ASIC2: variants seen among roughly 807,000 people sequenced by gnomAD.
ASIC2 encodes the protein acid sensing ion channel subunit 2.
A neutral mutation model predicts 57.3 loss-of-function variants in ASIC2; 25 were observed. That is an observed-to-expected ratio of 0.44 (90% CI 0.32 to 0.61). The LOEUF (loss-of-function observed/expected upper bound fraction) is 0.61. ASIC2 is among the 20% of genes least tolerant of loss of function. ASIC2 has a pLI of 0.06. For synonymous variants in ASIC2, 319 were observed against 307.5 expected, an observed-to-expected ratio of 1.04 and a Z score of -0.39; for missense variants, 641 against 738.1, an observed-to-expected ratio of 0.87 and a Z score of 1.52.
At chr17:33,738,449 A>G (rs1175641761) in intron 1 of ASIC2, among the ~76,000 whole-genome samples, 1 of 152,172 alleles carries the variant, frequency 6.6e-6, no homozygotes, top group African/African-American at 2.4e-5. Context: ...TCACCAATAT[A>G]CATGCACCAG....
chr17:34,124,260 A>G (rs1036214131), intron 1 of ASIC2, among the ~76,000 whole-genome samples: 5 of 152,194 alleles, frequency 3.3e-5, no homozygotes, highest in African/African-American at 1.2e-4. Flanking sequence ...GTAATGGGTG[A>G]CATCACTTAC....
intron 1 of ASIC2, among the ~76,000 whole-genome samples, chr17:33,712,857 G>C (rs1418801854): frequency 6.6e-6 from 1 of 151,534 alleles, no homozygotes; most frequent in East Asian, 1.9e-4. Context: ...GTTTTAGCCG[G>C]GATGGTCTCG....
intron 1 of ASIC2, chr17:34,006,331 A>C (rs565320628): frequency 7.9e-5 from 12 of 152,488 alleles, no homozygotes; most frequent in African/African-American, 2.9e-4. Flanking sequence ...AGGCTCTGGC[A>C]GAGGCCAGGG....
At chr17:33,860,798 C>T (rs1336357515) in intron 1 of ASIC2, among the ~76,000 whole-genome samples, 1 of 152,160 alleles carries the variant, frequency 6.6e-6, no homozygotes, top group Non-Finnish European at 1.5e-5. Flanking sequence ...AGATACATAC[C>T]TGCTGAGGTA....
chr17:33,824,760 C>T (rs1034444306), intron 1 of ASIC2, among the ~76,000 whole-genome samples: 2 of 83,206 alleles, frequency 2.4e-5, no homozygotes, highest in African/African-American at 1.0e-4. Flanking sequence ...AGTTCCCCTG[C>T]ACAAGCTGTC....
intron 1 of ASIC2, among the ~76,000 whole-genome samples, chr17:34,084,958 T>C (rs1392232294): frequency 6.6e-6 from 1 of 152,266 alleles, no homozygotes; most frequent in Non-Finnish European, 1.5e-5. Flanking sequence ...TGGGGTTTTC[T>C]AGATATACAA....
At chr17:33,608,627 G>A (rs564678945) in intron 1 of ASIC2, among the ~76,000 whole-genome samples, 1 of 152,134 alleles carries the variant, frequency 6.6e-6, no homozygotes, top group South Asian at 2.1e-4. Flanking sequence ...GGAACTCTGG[G>A]ATTCTGTTTA....
chr17:33,401,017 CG>C (rs112316852), intron 1 of ASIC2, among the ~76,000 whole-genome samples: 89 of 152,292 alleles, frequency 5.8e-4, no homozygotes, highest in African/African-American at 2.1e-3. Flanking sequence ...GATGCCATAT[CG>C]TCGTCACTCA....
At chr17:33,781,049 T>C (rs1911436644) in intron 1 of ASIC2, among the ~76,000 whole-genome samples, 1 of 152,212 alleles carries the variant, frequency 6.6e-6, no homozygotes, top group African/African-American at 2.4e-5. Context: ...TGATGAATCG[T>C]ATCCTGAAAG....
intron 1 of ASIC2, among the ~76,000 whole-genome samples, chr17:33,483,856 G>T (rs903732237): frequency 1.3e-5 from 2 of 152,190 alleles, no homozygotes; most frequent in African/African-American, 2.4e-5. Context: ...GCCCTTGCAG[G>T]TGTCATTACA....
chr17:34,062,130 C>T (rs572056664), intron 1 of ASIC2, among the ~76,000 whole-genome samples: 12 of 152,118 alleles, frequency 7.9e-5, no homozygotes, highest in East Asian at 3.9e-4. Context: ...GGACATAAAA[C>T]GAGCCTCAAT....
intron 1 of ASIC2, among the ~76,000 whole-genome samples, chr17:33,218,760 C>T (rs754051182): frequency 7.9e-5 from 12 of 152,152 alleles, no homozygotes; most frequent in East Asian, 1.9e-4. Flanking sequence ...CCAGCAGGGA[C>T]GGTAAATCCG....
chr17:33,792,161 C>T (rs1911792879), intron 1 of ASIC2: 1 of 152,166 alleles, frequency 6.6e-6, no homozygotes, highest in East Asian at 1.9e-4. Context: ...TCCCATTACA[C>T]AAATGAGAGT....
At chr17:33,154,974 G>A (rs529458783) in intron 1 of ASIC2, among the ~76,000 whole-genome samples, 87 of 152,342 alleles carry the variant, frequency 5.7e-4, no homozygotes, top group Middle Eastern at 3.4e-3. Context: ...TGAAGGCCAA[G>A]CTTCCAGTCT....
chr17:33,405,890 T>TCACCCAGGGGCCAGGTACCAGACA (rs2141961577), intron 1 of ASIC2, among the ~76,000 whole-genome samples: 1 of 152,166 alleles, frequency 6.6e-6, no homozygotes, highest in East Asian at 1.9e-4. Context: ...TCCACTCCAA[T>TCACCCAGGGGCCAGGTACCAGACA]CACCCAGGGG....
intron 1 of ASIC2, among the ~76,000 whole-genome samples, chr17:33,842,207 A>G (rs949929819): frequency 2.0e-5 from 3 of 152,148 alleles, no homozygotes; most frequent in African/African-American, 7.2e-5. Flanking sequence ...AATGACTTGC[A>G]CCTGGCAACC....
chr17:33,672,330 C>A lies in ASIC2; in HGVS notation c.555+483648G>T, dbSNP rs890798602. The stretch of plus-strand genomic sequence containing the variant: ...AGGTTCTTCTATGCTATTACCCACC[C>A]CCTCCCATACCTACCTTTCCTACCA... On this transcript the variant is annotated intron_variant, in intron 1 of 9. Transcript: ENST00000359872. 2.0e-5 allele frequency among the ~76,000 whole-genome samples: 3 copies of A among 152,174 alleles called. No homozygotes were observed. The South Asian group carries it at 6.2e-4, about 32-fold the overall frequency.
intron 1 of ASIC2, among the ~76,000 whole-genome samples, chr17:33,647,924 G>A (rs1906796806): frequency 6.6e-6 from 1 of 152,100 alleles, no homozygotes. Context: ...CTGGGAGAAG[G>A]GTCCTGGATT....
At chr17:33,110,762 G>A (rs2092254843) in intron 2 of ASIC2, among the ~76,000 whole-genome samples, 1 of 152,106 alleles carries the variant, frequency 6.6e-6, no homozygotes, top group Admixed American at 6.5e-5. Context: ...AAAGTCAATG[G>A]ACTCAAGGCA....
Sources: allele counts gnomAD v4.1 joint callset (sites outside exome capture counted in the v4.1 genomes callset), GRCh38; gene constraint gnomAD v4.1.1; transcripts MANE v1.5; gene names NCBI Gene and HGNC (gene_info 2026-07-23, HGNC 2026-07-21).